The following CCDC187 variants were observed in gnomAD, a reference collection of about 807,000 sequenced individuals.
CCDC187 encodes the protein coiled-coil domain containing 187.
Under a neutral mutation model 38.0 loss-of-function variants are expected in CCDC187, and 32 were observed. That is an observed-to-expected ratio of 0.84 (90% CI 0.64 to 1.13). The LOEUF is 1.13. Ranked by LOEUF, CCDC187 falls within the 50% of genes most tolerant of loss-of-function variation. The pLI is 0.00. For missense variants in CCDC187, 707 were observed against 786.8 expected, an observed-to-expected ratio of 0.90 and a Z score of 1.21; for synonymous variants, 333 against 347.9, an observed-to-expected ratio of 0.96 and a Z score of 0.48.
chr9:136,287,291 T>C (rs1831204791), intron 7 of CCDC187, among the ~76,000 whole-genome samples: 1 of 152,164 alleles, frequency 6.6e-6, no homozygotes, highest in Non-Finnish European at 1.5e-5. Flanking sequence ...CGTTCATGGT[T>C]TCTTTTGAAT....
chr9:136,293,445 A>T lies in CCDC187; in HGVS notation c.833-1150T>A, dbSNP rs1345516657. 1.1e-4 allele frequency among the ~76,000 whole-genome samples: 7 copies of T among 62,268 alleles called. 1 individual carries two copies. Among genetic ancestry groups the T allele is most frequent in the East Asian group, 6.3e-4 (1 of 1,586 alleles). The allele number at this position is 62,268 out of a possible 152,430, so 40.9% of individuals were successfully genotyped here. A position where few individuals can be genotyped will look rare whatever the true frequency, so the allele number is the denominator to read the frequency against. On this transcript the variant is annotated intron_variant, in intron 4 of 25. Transcript: ENST00000638797. Reference sequence around the variant, plus strand: ...CATACTCTCACATGCTCACACACTCACACATGCTCACACTCACACTCACAT... The same window carrying T: ...CATACTCTCACATGCTCACACACTCTCACATGCTCACACTCACACTCACAT...
chr9:136,298,394 G>A (rs970888517), intron 3 of CCDC187, among the ~76,000 whole-genome samples: 5 of 152,176 alleles, frequency 3.3e-5, no homozygotes, highest in Admixed American at 1.3e-4. Flanking sequence ...CCGAGGGGGC[G>A]GAGTTTGTTC....
intron 24 of CCDC187, among the ~76,000 whole-genome samples, chr9:136,256,006 C>A (rs1384084085): frequency 6.6e-6 from 1 of 152,194 alleles, no homozygotes; most frequent in South Asian, 2.1e-4. Flanking sequence ...CTCTGCTGAC[C>A]TTGGGCTGAT....
intron 6 of CCDC187, 50 bp from the exon 7 acceptor site, chr9:136,290,103 C>T (rs1588668036): frequency 3.0e-5 from 12 of 398,588 alleles, no homozygotes; most frequent in South Asian, 2.5e-4. Flanking sequence ...GAAGACCACA[C>T]GCCCCGTTCT....
At position 136,293,486 on chromosome 9, in the gene CCDC187, AAC is replaced by A. The variant is rs1247908347; in HGVS notation, c.833-1193_833-1192del. 9.3e-3 allele frequency among the ~76,000 whole-genome samples: 484 copies of A among 51,864 alleles called. 3 individuals are homozygous for A. The highest frequency in any genetic ancestry group is 0.032 in the African/African-American group (425 of 13,436). 34.0% of individuals were successfully genotyped at this position (51,864 alleles called of 152,430 possible). The stretch of plus-strand genomic sequence containing the variant: ...ACACTCACATGCTCACACACTCACA[AAC>A]ACATGCTCACACACTCACAAACACA... On this transcript the variant is annotated intron_variant, in intron 4 of 25. Transcript: ENST00000638797.
intron 14 of CCDC187, among the ~76,000 whole-genome samples, chr9:136,268,734 C>CAT (rs1167098422): frequency 7.9e-5 from 12 of 152,034 alleles, no homozygotes; most frequent in Middle Eastern, 3.2e-3. Flanking sequence ...TGTGTGTATA[C>CAT]ATATATATAT....
intron 7 of CCDC187, among the ~76,000 whole-genome samples, chr9:136,289,559 C>T (rs953975173): frequency 7.3e-5 from 11 of 149,756 alleles, no homozygotes; most frequent in Non-Finnish European, 1.3e-4. Context: ...GCAAATCCGT[C>T]GAGGCAGAAA....
chr9:136,306,877 T>TGACGTGA (rs1831810619), upstream of CCDC187: 107 of 152,360 alleles, frequency 7.0e-4, no homozygotes, highest in African/African-American at 2.5e-3. Context: ...CATGCGGCTG[T>TGACGTGA]CTCTGAGGCC....
intron 7 of CCDC187, among the ~76,000 whole-genome samples, chr9:136,287,588 C>T (rs1336246396): frequency 2.0e-5 from 3 of 152,206 alleles, no homozygotes; most frequent in Non-Finnish European, 2.9e-5. Context: ...ACTGAGCCCC[C>T]ACCTCCTCGG....
Position 136,286,137 on chromosome 9 carries a change from C to G in CCDC187, c.2781G>C (p.Trp927Cys), listed in dbSNP as rs1831173642. The change falls in exon 8 of 26, where the codon TGG (tryptophan) becomes TGC (cysteine). Residue 927 changes from tryptophan to cysteine, a missense_variant. By Grantham distance (215) the Trp-to-Cys change is radical (BLOSUM62 -2). Transcript: ENST00000638797. Reference sequence around the variant, plus strand: ...TCGGGCTCACACTCTGCTGTTGCTCCCAGCTGGGGCCCCACGACAGTGTCT... The same window carrying G: ...TCGGGCTCACACTCTGCTGTTGCTCGCAGCTGGGGCCCCACGACAGTGTCT... ...DGETLSWGPS[W>C]EQQQSVSPRA... 1 of 398,580 alleles carries G rather than the reference C, an allele frequency of 2.5e-6. No homozygotes were observed. The allele number at this position is 398,580 out of a possible 1,614,324, so 24.7% of individuals were successfully genotyped here. A position where few individuals can be genotyped will look rare whatever the true frequency, so the allele number is the denominator to read the frequency against.
chr9:136,302,773 G>A (rs1189977055), intron 2 of CCDC187, 39 bp downstream of exon 2: 2 of 399,092 alleles, frequency 5.0e-6, no homozygotes, highest in Non-Finnish European at 8.8e-6. Context: ...CGACAGCCTC[G>A]CAGCCCTCCT....
chr9:136,286,071 G>A lies in CCDC187; in HGVS notation c.2833+14C>T, dbSNP rs1421748767. On this transcript the variant is annotated intron_variant, in intron 8 of 25. Coordinates refer to ENST00000638797, the MANE Select transcript of CCDC187 (RefSeq NM_001378188.1). ...GGCCACCCAGCGGTCACCGTGTCCCGGGTGCCGGCCTACCTCGGGGCTTGC... is the reference window on the plus strand; with the variant it reads ...GGCCACCCAGCGGTCACCGTGTCCCAGGTGCCGGCCTACCTCGGGGCTTGC... 4.3e-5 allele frequency: 17 copies of A among 398,272 alleles called. No individual in the cohort carries two copies. The highest frequency in any genetic ancestry group is 6.2e-5 in the Non-Finnish European group (14 of 225,990). The allele number at this position is 398,272 out of a possible 1,614,324, so 24.7% of individuals were successfully genotyped here.
chr9:136,293,429 A>T (rs1229138825), intron 4 of CCDC187, among the ~76,000 whole-genome samples: 1 of 113,922 alleles, frequency 8.8e-6, no homozygotes, highest in Non-Finnish European at 1.9e-5. Flanking sequence ...ACATACTCTC[A>T]CATGCTCACA....
Position 136,264,859 on chromosome 9 carries a change from A to G in CCDC187, c.3736-1061T>C. ...CAGCCTTGACCTCCCAAGCTCAAGC[A>G]ATCCTCCCATCTCAGTCCACCAAAT... On this transcript the variant is annotated intron_variant, in intron 17 of 25. Coordinates refer to ENST00000638797, the MANE Select transcript of CCDC187 (RefSeq NM_001378188.1). The surrounding 1 kb of genome is among the most constrained non-coding windows in gnomAD (Gnocchi z 4.3). Among the ~76,000 whole-genome samples the G allele has an allele frequency of 6.6e-6, 1 of 152,012 alleles. No individual in the cohort carries two copies. The highest frequency in any genetic ancestry group is 2.4e-5 in the African/African-American group (1 of 41,376).
chr9:136,271,451 G>A (rs532577720), intron 14 of CCDC187, among the ~76,000 whole-genome samples: 53 of 152,066 alleles, frequency 3.5e-4, no homozygotes, highest in African/African-American at 9.6e-4. Flanking sequence ...AACCTGAGAC[G>A]CAGAGGTTGC....
chr9:136,267,335 A>AGGGCGGGGCTACAGCG (rs1830763526), intron 16 of CCDC187, 49 bp downstream of exon 16: 1 of 851,200 alleles, frequency 1.2e-6, no homozygotes, highest in East Asian at 1.8e-4. Context: ...GGGCTACAGC[A>AGGGCGGGGCTACAGCG]GGGCGGGGCT....
In CCDC187 at chr9:136,263,627, G is replaced by A; in HGVS notation, c.3907C>T (p.Gln1303Ter). ...GCCCAGGCGAGAGCACCCACCTGCT[G>A]CAGCTTGGCCTGGGCCTGCAGCTCG... Reference protein sequence around the residue: ...AHELQAQAKLQQGSSPKVKAA... With the variant: ...AHELQAQAKL Residue 1303 changes from glutamine to a stop codon, truncating the protein, a stop_gained, in exon 18 of 26, where the codon CAG becomes TAG. Coordinates refer to ENST00000638797, the MANE Select transcript of CCDC187 (RefSeq NM_001378188.1). LOFTEE classifies it high-confidence loss of function. 1 of 985,482 alleles carries A rather than the reference G, an allele frequency of 1.0e-6. No individual in the cohort carries two copies. The highest frequency in any genetic ancestry group is 1.2e-6 in the Non-Finnish European group (1 of 829,942). 61.0% of individuals were successfully genotyped at this position (985,482 alleles called of 1,614,324 possible).
chr9:136,270,495 A>G (rs1830822340), intron 14 of CCDC187, among the ~76,000 whole-genome samples: 1 of 152,232 alleles, frequency 6.6e-6, no homozygotes, highest in Non-Finnish European at 1.5e-5. Flanking sequence ...CAGAGACTTT[A>G]AGACTTCCAC....
intron 4 of CCDC187, among the ~76,000 whole-genome samples, chr9:136,297,303 GGGTGGTGTGAGCTGCA>G (rs1466637635): frequency 1.8e-3 from 270 of 150,644 alleles, no homozygotes; most frequent in Non-Finnish European, 2.8e-3. Context: ...TGTGAGCTGC[GGGTGGTGTGAGCTGCA>G]GGTGGTGTGA....
Sources: allele counts gnomAD v4.1 joint callset (sites outside exome capture counted in the v4.1 genomes callset), GRCh38; gene constraint gnomAD v4.1.1; non-coding constraint Gnocchi (gnomAD v3.1); transcripts MANE v1.5; gene names NCBI Gene and HGNC (gene_info 2026-07-23, HGNC 2026-07-21).